The following ERVMER34-1 variants were observed in gnomAD, a reference collection of about 807,000 sequenced individuals.
ERVMER34-1 encodes endogenous retrovirus group MER34 member 1, envelope.
For synonymous variants in ERVMER34-1, 199 were observed against 111.7 expected (o/e 1.78, Z -4.93); for missense variants, 471 against 295.1 (o/e 1.60, Z -4.37).
At position 52,745,011 on chromosome 4, in the gene ERVMER34-1, G is replaced by A. The variant is rs376296654; in HGVS notation, c.510C>T (p.Asn170=). Residue 170 remains asparagine, a synonymous_variant, in exon 3 of 3, where the codon AAC becomes AAT. Transcript: ENST00000443173. ...GGCAAACACTTGTATCATCATCATC[G>A]TTCCTGGATTCATTTGTAACATCTA... ...PSIDVTNESR[N]DDDDTSVCLG... 159 of 704,118 alleles carry A rather than the reference G, an allele frequency of 2.3e-4. No individual in the cohort carries two copies. The highest frequency in any genetic ancestry group is 2.4e-4 in the East Asian group (9 of 37,290). The allele number at this position is 704,118 out of a possible 1,614,324, so 43.6% of individuals were successfully genotyped here. A position where few individuals can be genotyped will look rare whatever the true frequency, so the allele number is the denominator to read the frequency against.
rs1336893827 is a variant in ERVMER34-1 at position 52,745,408 on chromosome 4, AAGAT to A, written c.109_112del (p.Ile37Ter). ...TAACCAGCAATTAGACTGATTAGTCAAGATAGATAGTGTCCGGAAAACTGGAGCA... is the reference window on the plus strand; with the variant it reads ...TAACCAGCAATTAGACTGATTAGTCAAGATAGTGTCCGGAAAACTGGAGCA... On this transcript the variant is annotated frameshift_variant, in exon 3 of 3. Coordinates refer to ENST00000443173, the MANE Select transcript of ERVMER34-1 (RefSeq NM_001242690.2). LOFTEE classifies it low-confidence loss of function (END_TRUNC). 4 of 704,118 alleles carry A rather than the reference AAGAT, an allele frequency of 5.7e-6. No individual in the cohort carries two copies. The highest frequency in any genetic ancestry group is 4.4e-5 in the South Asian group (3 of 67,598). The allele number at this position is 704,118 out of a possible 1,614,324, so 43.6% of individuals were successfully genotyped here. A position where few individuals can be genotyped will look rare whatever the true frequency, so the allele number is the denominator to read the frequency against.
rs776654536 is a variant in ERVMER34-1 at position 52,744,373 on chromosome 4, T to C, written c.1148A>G (p.Asp383Gly). ...AATGTTTAGAATTGCCTTTTCTAAATCATAAGTTCCCAAACTTGGAAAAAG... is the reference window on the plus strand; with the variant it reads ...AATGTTTAGAATTGCCTTTTCTAAACCATAAGTTCCCAAACTTGGAAAAAG... ...RALFPSLGTYDLEKAILNISK... is the reference protein window; with the variant it reads ...RALFPSLGTYGLEKAILNISK... Residue 383 changes from aspartate to glycine, a missense_variant, in exon 3 of 3, where the codon GAT becomes GGT. Physicochemically the swap from Asp to Gly is moderately conservative, Grantham distance 94. Transcript: ENST00000443173. The C allele has an allele frequency of 3.4e-5, 24 of 704,056 alleles. No homozygotes were observed. The highest frequency in any genetic ancestry group is 2.3e-4 in the Middle Eastern group (1 of 4,392). The allele number at this position is 704,056 out of a possible 1,614,324, so 43.6% of individuals were successfully genotyped here.
At chr4:52,746,882 T>G (rs1243411708) in intron 2 of ERVMER34-1, among the ~76,000 whole-genome samples, 1 of 152,180 alleles carries the variant, frequency 6.6e-6, no homozygotes, top group East Asian at 1.9e-4. Flanking sequence ...CACACATATG[T>G]AAATACCTTA....
At chr4:52,749,040 A>G (rs1716219106) in intron 2 of ERVMER34-1, among the ~76,000 whole-genome samples, 1 of 151,940 alleles carries the variant, frequency 6.6e-6, no homozygotes, top group Non-Finnish European at 1.5e-5. Context: ...AAAAAAAATT[A>G]TTTTTAATAG....
At position 52,743,974 on chromosome 4, in the gene ERVMER34-1, C is replaced by A. The variant is rs542449779; in HGVS notation, c.1547G>T (p.Arg516Leu). 7.4e-6 allele frequency: 6 copies of A among 813,604 alleles called. No homozygotes were observed. The highest frequency in any genetic ancestry group is 1.4e-5 in the South Asian group (1 of 69,728). 50.4% of individuals were successfully genotyped at this position (813,604 alleles called of 1,614,324 possible). A position where few individuals can be genotyped will look rare whatever the true frequency, so the allele number is the denominator to read the frequency against. ...LIYVRVFRKS[R>L]RSLNSQPLNL... ...CAGAGGTTGGGAGTTAAGGGATCTG[C>A]GAGATTTGCGAAAGACACGAACATA... Residue 516 changes from arginine (R) to leucine (L), a missense_variant, in exon 3 of 3, where the codon CGC becomes CTC. Physicochemically the swap from Arg to Leu is moderately radical, Grantham distance 102 (BLOSUM62 -2). Coordinates refer to ENST00000443173, the MANE Select transcript of ERVMER34-1 (RefSeq NM_001242690.2).
chr4:52,743,660 T>C lies in ERVMER34-1; in HGVS notation c.*169A>G, dbSNP rs918723780. 29 of 577,338 alleles carry C rather than the reference T, an allele frequency of 5.0e-5. No homozygotes were observed. The highest frequency in any genetic ancestry group is 8.0e-5 in the Non-Finnish European group (27 of 338,756). 35.8% of individuals were successfully genotyped at this position (577,338 alleles called of 1,614,324 possible). A position where few individuals can be genotyped will look rare whatever the true frequency, so the allele number is the denominator to read the frequency against. On this transcript the variant is annotated 3_prime_UTR_variant, in exon 3 of 3. Transcript: ENST00000443173. ...GGCTTCAGAATGAAACTACAAAAAGTTCTGATAAGGCTTATTTACAATACC... is the reference window on the plus strand; with the variant it reads ...GGCTTCAGAATGAAACTACAAAAAGCTCTGATAAGGCTTATTTACAATACC...
At position 52,745,409 on chromosome 4, in the gene ERVMER34-1, A is replaced by G. The variant is rs910884608; in HGVS notation, c.112T>C (p.Leu38=). The G allele has an allele frequency of 1.4e-5, 10 of 704,102 alleles. No individual in the cohort carries two copies. The Admixed American group carries it at 2.0e-4, about 14-fold the overall frequency. 43.6% of individuals were successfully genotyped at this position (704,102 alleles called of 1,614,324 possible). ...LAPVFRTLSI[L]TNQSNCWLCE... ...AACCAGCAATTAGACTGATTAGTCA[A>G]GATAGATAGTGTCCGGAAAACTGGA... Residue 38 remains leucine (L), a synonymous_variant, in exon 3 of 3, where the codon TTG becomes CTG. Coordinates refer to ENST00000443173, the MANE Select transcript of ERVMER34-1 (RefSeq NM_001242690.2).
In ERVMER34-1 at chr4:52,743,830, C is replaced by T. The variant is rs750752030; in HGVS notation, c.1691G>A (p.Ter564=). 1.4e-6 allele frequency: 2 copies of T among 1,477,398 alleles called. No individual in the cohort carries two copies. Among genetic ancestry groups the T allele is most frequent in the Non-Finnish European group, 1.8e-6 (2 of 1,120,288 alleles). The allele number at this position is 1,477,398 out of a possible 1,614,324, so 91.5% of individuals were successfully genotyped here. A position where few individuals can be genotyped will look rare whatever the true frequency, so the allele number is the denominator to read the frequency against. ...TTHQYDTSLL[*] ...CAGCTGCTGTTTGTTCAGATATTCT[C>T]AAAGTAGACTTGTGTCATATTGATG... is the stretch of plus-strand genomic sequence containing the variant. Residue 564 remains the stop codon, a stop_retained_variant, in exon 3 of 3, where the codon TGA becomes TAA. Coordinates refer to ENST00000443173, the MANE Select transcript of ERVMER34-1 (RefSeq NM_001242690.2).
intron 2 of ERVMER34-1, among the ~76,000 whole-genome samples, chr4:52,749,689 G>A (rs1716237596): frequency 6.6e-6 from 1 of 152,092 alleles, no homozygotes; most frequent in Non-Finnish European, 1.5e-5. Context: ...TGTCTTCCCA[G>A]CTACTCGGGG....
At chr4:52,748,560 C>T (rs578128643) in intron 2 of ERVMER34-1, among the ~76,000 whole-genome samples, 16 of 152,258 alleles carry the variant, frequency 1.1e-4, no homozygotes, top group African/African-American at 2.4e-4. Context: ...AAAGGCCTTG[C>T]GTCACTTGCG....
rs2109414865 is a variant in ERVMER34-1, at chr4:52,745,850, T to C, written c.-330A>G. The C allele has an allele frequency of 3.6e-6, 1 of 275,632 alleles. No individual in the cohort carries two copies. Among genetic ancestry groups the C allele is most frequent in the East Asian group, 7.6e-5 (1 of 13,198 alleles). The allele number at this position is 275,632 out of a possible 1,614,324, so 17.1% of individuals were successfully genotyped here. ...CAGGAATTTTATTTTGATGACTATG[T>C]AGGTGGTTAGCAGTACTTCATAAGG... On this transcript the variant is annotated 5_prime_UTR_variant, in exon 3 of 3. Transcript: ENST00000443173.
At position 52,743,015 on chromosome 4, in the gene ERVMER34-1, GT is replaced by G. The variant is rs1180558927; in HGVS notation, c.*813del. On this transcript the variant is annotated 3_prime_UTR_variant, in exon 3 of 3. Transcript: ENST00000443173. ...CTTTAGCAAGCTATCTACCCTTTGA[GT>G]TGATTAATCTGTAAAATATGAACAC... is the stretch of plus-strand genomic sequence containing the variant. 4.0e-5 allele frequency: 6 copies of G among 151,506 alleles called. No homozygotes were observed. The allele number at this position is 151,506 out of a possible 1,614,324, so 9.4% of individuals were successfully genotyped here.
intron 2 of ERVMER34-1, among the ~76,000 whole-genome samples, chr4:52,749,767 C>T (rs1385481088): frequency 6.6e-6 from 1 of 152,154 alleles, no homozygotes; most frequent in Non-Finnish European, 1.5e-5. Context: ...CAGAGCGAGG[C>T]TCTGTCTTAA....
At position 52,744,093 on chromosome 4, in the gene ERVMER34-1, C is replaced by T; in HGVS notation, c.1428G>A (p.Trp476Ter). The part of the protein sequence containing the change: ...ENLKNVPLLD[W>*]QGIFAKVGDW... The stretch of plus-strand genomic sequence containing the variant: ...CTCCCACTTTTGCAAATATGCCTTG[C>T]CAATCAAGTAACGGTACATTCTTCA... The change falls in exon 3 of 3, where the codon TGG becomes TGA. Residue 476 changes from tryptophan to a stop codon, truncating the protein, a stop_gained. Coordinates refer to ENST00000443173, the MANE Select transcript of ERVMER34-1 (RefSeq NM_001242690.2). LOFTEE classifies it low-confidence loss of function (END_TRUNC). 1.4e-6 allele frequency: 1 copy of T among 704,140 alleles called. No homozygotes were observed. Among genetic ancestry groups the T allele is most frequent in the Non-Finnish European group, 2.6e-6 (1 of 385,054 alleles). The allele number at this position is 704,140 out of a possible 1,614,324, so 43.6% of individuals were successfully genotyped here.
intron 2 of ERVMER34-1, among the ~76,000 whole-genome samples, 163 bp from the exon 3 acceptor site, chr4:52,746,106 C>A (rs768076084): frequency 6.6e-6 from 1 of 152,176 alleles, no homozygotes; most frequent in Non-Finnish European, 1.5e-5. Context: ...TTTAGAGATG[C>A]CAGTAGGCAC....
chr4:52,748,593 G>T (rs899148222), intron 2 of ERVMER34-1, among the ~76,000 whole-genome samples: 1 of 152,150 alleles, frequency 6.6e-6, no homozygotes, highest in East Asian at 1.9e-4. Context: ...TCGAAGGCAG[G>T]TGTGCACACT....
Position 52,742,735 on chromosome 4 carries a change from G to A in ERVMER34-1, c.*1094C>T, listed in dbSNP as rs1364878737. The A allele has an allele frequency of 6.6e-6, 1 of 152,102 alleles. No individual in the cohort carries two copies. The highest frequency in any genetic ancestry group is 1.9e-4 in the East Asian group (1 of 5,134). 9.4% of individuals were successfully genotyped at this position (152,102 alleles called of 1,614,324 possible). A position where few individuals can be genotyped will look rare whatever the true frequency, so the allele number is the denominator to read the frequency against. Reference sequence around the variant, plus strand: ...AGACTGAGACCATCCTGGCTAACACGGTGAAACCCCGTCTCTACTAAAAAC... The same window carrying A: ...AGACTGAGACCATCCTGGCTAACACAGTGAAACCCCGTCTCTACTAAAAAC... On this transcript the variant is annotated 3_prime_UTR_variant, in exon 3 of 3. Transcript: ENST00000443173.
chr4:52,744,537 T>G lies in ERVMER34-1; in HGVS notation c.984A>C (p.Arg328Ser). The G allele has an allele frequency of 2.8e-6, 2 of 704,014 alleles. No homozygotes were observed. Among genetic ancestry groups the G allele is most frequent in the Non-Finnish European group, 5.2e-6 (2 of 384,990 alleles). The allele number at this position is 704,014 out of a possible 1,614,324, so 43.6% of individuals were successfully genotyped here. ...GLGYLVPSLTRYLTLNASQIT... is the reference protein window; with the variant it reads ...GLGYLVPSLTSYLTLNASQIT... ...TTTGGCTAGCATTTAAGGTGAGGTA[T>G]CTGGTGAGGGAAGGTACAAGATACC... The change falls in exon 3 of 3, where the codon AGA becomes AGC. Residue 328 changes from arginine (R) to serine (S), a missense_variant. By Grantham distance (110) the Arg-to-Ser change is moderately radical. Coordinates refer to ENST00000443173, the MANE Select transcript of ERVMER34-1 (RefSeq NM_001242690.2).
intron 2 of ERVMER34-1, among the ~76,000 whole-genome samples, chr4:52,747,514 C>A (rs1042603054): frequency 3.3e-5 from 5 of 152,196 alleles, no homozygotes; most frequent in African/African-American, 1.2e-4. Context: ...CAATCCTAAG[C>A]TGTTCACCCT....
Sources: allele counts gnomAD v4.1 joint callset (sites outside exome capture counted in the v4.1 genomes callset), GRCh38; gene constraint gnomAD v4.1.1; transcripts MANE v1.5; gene names NCBI Gene and HGNC (gene_info 2026-07-23, HGNC 2026-07-21).